The following SPAG17 variants were observed in gnomAD, a reference collection of about 807,000 sequenced individuals.
The protein encoded by SPAG17 is sperm-associated antigen 17.
Under a neutral mutation model 273.6 loss-of-function variants are expected in SPAG17, and 169 were observed. That is an observed-to-expected ratio of 0.62 (90% CI 0.55 to 0.70). SPAG17 has a LOEUF of 0.70. Among genes scored for constraint, SPAG17 ranks in the 30% least tolerant of loss-of-function variants. SPAG17 has a pLI of 0.00. For missense variants in SPAG17, 2,557 were observed against 2,627.8 expected (o/e 0.97, Z 0.59); for synonymous variants, 825 against 873.2 (o/e 0.94, Z 0.97).
chr1:118,002,060 C>T (rs1054110192), intron 32 of SPAG17, among the ~76,000 whole-genome samples: 3 of 152,138 alleles, frequency 2.0e-5, no homozygotes, highest in African/African-American at 7.2e-5. Context: ...ATCTTTATTG[C>T]TGCCTTTATT....
intron 1 of SPAG17, among the ~76,000 whole-genome samples, chr1:118,166,579 T>C (rs1436175628): frequency 1.3e-5 from 2 of 151,758 alleles, no homozygotes; most frequent in East Asian, 3.9e-4. Flanking sequence ...TTTTGTCTAA[T>C]TTTTTTTTCT....
At chr1:117,987,779 A>G (rs570966677) in intron 40 of SPAG17, 55 bp downstream of exon 40, 2 of 1,578,794 alleles carry the variant, frequency 1.3e-6, no homozygotes, top group African/African-American at 2.7e-5. Flanking sequence ...TCCCATTCTC[A>G]GTCTATTACT....
intron 10 of SPAG17, 61 bp from the exon 11 acceptor site, chr1:118,087,069 G>A: frequency 6.7e-7 from 1 of 1,492,016 alleles, no homozygotes; most frequent in South Asian, 1.4e-5. Flanking sequence ...GATACTCACT[G>A]CTCATTGCTG....
intron 38 of SPAG17, 140 bp from the exon 39 acceptor site, chr1:117,988,344 C>A (rs539057271): frequency 4.7e-5 from 24 of 506,012 alleles, no homozygotes; most frequent in African/African-American, 4.5e-4. Context: ...CTTACATGAC[C>A]AAGCTGTAAT....
chr1:118,151,258 T>C lies in SPAG17; in HGVS notation c.199A>G (p.Met67Val). The part of the protein sequence containing the change: ...VQVPQRKLFS[M>V]VSWQDILQQI... ...TGGAGAATGTCTTGCCACGACACCA[T>C]ACTGAAGAGTTTACGCTGAGGGACC... The change falls in exon 2 of 49, where the codon ATG (methionine) becomes GTG (valine). Residue 67 changes from methionine to valine, a missense_variant. Met to Val is a conservative substitution (Grantham distance 21). Transcript: ENST00000336338. The C allele has an allele frequency of 6.2e-7, 1 of 1,609,674 alleles. No homozygotes were observed. The highest frequency in any genetic ancestry group is 8.5e-7 in the Non-Finnish European group (1 of 1,177,218).
chr1:118,178,397 C>T (rs2102406458), intron 1 of SPAG17, among the ~76,000 whole-genome samples: 2 of 152,056 alleles, frequency 1.3e-5, no homozygotes, highest in South Asian at 4.2e-4. Context: ...TTTAACATCC[C>T]TTTAGGATGA....
At chr1:118,007,653 G>A (rs1188534653) in intron 31 of SPAG17, among the ~76,000 whole-genome samples, 1 of 152,182 alleles carries the variant, frequency 6.6e-6, no homozygotes, top group Non-Finnish European at 1.5e-5. Context: ...AGGACTGACT[G>A]GAGGTGGGAA....
At chr1:118,060,249 A>G (rs1472021777) in intron 18 of SPAG17, among the ~76,000 whole-genome samples, 1 of 152,034 alleles carries the variant, frequency 6.6e-6, no homozygotes, top group African/African-American at 2.4e-5. Flanking sequence ...ATAACAGTCC[A>G]TTTTAAGCTG....
Position 118,185,058 on chromosome 1 carries a change from G to T in SPAG17, c.87+13C>A, listed in dbSNP as rs757425501. ...GCCGGGGGCAGGGAGGGCTTAAAGGGCTCAAGGCTCACCTGATTGAACTGT... is the reference window on the plus strand; with the variant it reads ...GCCGGGGGCAGGGAGGGCTTAAAGGTCTCAAGGCTCACCTGATTGAACTGT... On this transcript the variant is annotated intron_variant, in intron 1 of 48. Transcript: ENST00000336338. 3.7e-6 allele frequency: 6 copies of T among 1,612,916 alleles called. No individual in the cohort carries two copies. Among genetic ancestry groups the T allele is most frequent in the Non-Finnish European group, 4.2e-6 (5 of 1,179,042 alleles).
intron 1 of SPAG17, among the ~76,000 whole-genome samples, chr1:118,178,568 T>C (rs1452070890): frequency 6.6e-6 from 1 of 152,014 alleles, no homozygotes; most frequent in Admixed American, 6.6e-5. Flanking sequence ...TTCAATATAA[T>C]GCTGGAAATC....
intron 1 of SPAG17, among the ~76,000 whole-genome samples, chr1:118,157,089 A>G (rs1377916758): frequency 6.6e-6 from 1 of 152,166 alleles, no homozygotes; most frequent in Non-Finnish European, 1.5e-5. Flanking sequence ...AATATGCTAC[A>G]GTAGGAGTAC....
chr1:117,998,734 T>C (rs1341238747), intron 32 of SPAG17, among the ~76,000 whole-genome samples: 3 of 152,120 alleles, frequency 2.0e-5, no homozygotes, highest in Non-Finnish European at 2.9e-5. Flanking sequence ...ATTTCTCTTA[T>C]CAATGTTTTG....
At chr1:118,162,228 A>G (rs186894584) in intron 1 of SPAG17, among the ~76,000 whole-genome samples, 2 of 152,224 alleles carry the variant, frequency 1.3e-5, no homozygotes, top group East Asian at 1.9e-4. Context: ...TTCCTCTCAT[A>G]TTGATTCCCT....
chr1:118,182,097 G>GAATGAATA (rs1471735790), intron 1 of SPAG17, among the ~76,000 whole-genome samples: 1 of 151,922 alleles, frequency 6.6e-6, no homozygotes, highest in East Asian at 1.9e-4. Flanking sequence ...ATGAATGAAT[G>GAATGAATA]AATAAATAAA....
In SPAG17 at chr1:118,042,004, C is replaced by T. The variant is rs1649821078; in HGVS notation, c.2853G>A (p.Glu951=). 6.2e-7 allele frequency: 1 copy of T among 1,613,706 alleles called. No homozygotes were observed. Among genetic ancestry groups the T allele is most frequent in the South Asian group, 1.1e-5 (1 of 90,988 alleles). The change falls in exon 21 of 49, where the codon GAG becomes GAA. Residue 951 remains glutamate (E), a synonymous_variant. Coordinates refer to ENST00000336338, the MANE Select transcript of SPAG17 (RefSeq NM_206996.4). The part of the protein sequence containing the change: ...KEEQHRLAEE[E]RLREEKKAEK... ...CTGCTTTCTTTTCTTCCCTTAAGCG[C>T]TCCTCTTCTGCTAATCGATGTTGCT... is the stretch of plus-strand genomic sequence containing the variant.
chr1:118,083,123 A>C (rs1166398338), intron 13 of SPAG17, among the ~76,000 whole-genome samples: 6 of 152,004 alleles, frequency 3.9e-5, no homozygotes, highest in African/African-American at 1.5e-4. Context: ...ACACCCGGCT[A>C]ATTTTGTATT....
chr1:117,987,931 T>C (rs780510646), intron 39 of SPAG17, 50 bp from the exon 40 acceptor site: 1 of 1,603,820 alleles, frequency 6.2e-7, no homozygotes. Flanking sequence ...TGATTTCAGC[T>C]TAAAAACAAA....
At chr1:118,184,433 G>A (rs1661086093) in intron 1 of SPAG17, among the ~76,000 whole-genome samples, 1 of 152,142 alleles carries the variant, frequency 6.6e-6, no homozygotes, top group African/African-American at 2.4e-5. Context: ...AAGTCCTGTG[G>A]TAGGTGGTTT....
chr1:118,169,564 A>T (rs1660324601), intron 1 of SPAG17, among the ~76,000 whole-genome samples: 1 of 152,180 alleles, frequency 6.6e-6, no homozygotes, highest in Non-Finnish European at 1.5e-5. Flanking sequence ...GCTGCCTCTC[A>T]AAAATTGCTC....
Sources: allele counts gnomAD v4.1 joint callset (sites outside exome capture counted in the v4.1 genomes callset), GRCh38; gene constraint gnomAD v4.1.1; transcripts MANE v1.5; gene names NCBI Gene and HGNC (gene_info 2026-07-23, HGNC 2026-07-21).